The following MTA3 variants were observed in gnomAD, a reference collection of about 807,000 sequenced individuals.
MTA3 encodes the protein metastasis associated 1 family member 3.
In MTA3, 34 loss-of-function variants were observed where a neutral mutation model predicts 83.5. That is an observed-to-expected ratio of 0.41 (90% CI 0.31 to 0.54). The LOEUF (loss-of-function observed/expected upper bound fraction) is 0.54, where lower values mean the gene tolerates loss of function less well. MTA3 is among the 20% of genes least tolerant of loss of function. MTA3 has a pLI of 0.33. For synonymous variants in MTA3, 303 were observed against 252.7 expected, an observed-to-expected ratio of 1.20 and a Z score of -1.89; for missense variants, 761 against 726.4, an observed-to-expected ratio of 1.05 and a Z score of -0.55.
rs35633597 is a variant in MTA3 at position 42,664,466 on chromosome 2, C to CTTTTTTTTTTTT, written c.702+4621_702+4632dup. ...CCTACTACCCCCTCACCCCGCTTAC[C>CTTTTTTTTTTTT]TTTTTTTTTTTTTTTTTTTTTTTTT... On this transcript the variant is annotated intron_variant, in intron 8 of 16. Transcript: ENST00000405094. Among the ~76,000 whole-genome samples, 26 of 85,758 alleles carry CTTTTTTTTTTTT rather than the reference C, an allele frequency of 3.0e-4. 8 individuals carry two copies. Among genetic ancestry groups the CTTTTTTTTTTTT allele is most frequent in the African/African-American group, 8.6e-4 (18 of 21,052 alleles). 56.3% of individuals were successfully genotyped at this position (85,758 alleles called of 152,430 possible).
At position 42,622,874 on chromosome 2, in the gene MTA3, T is replaced by TA. The variant is rs368586368; in HGVS notation, c.317+13291dup. Among the ~76,000 whole-genome samples, 780 of 152,292 alleles carry TA rather than the reference T, an allele frequency of 5.1e-3. 9 individuals carry two copies. Among genetic ancestry groups the TA allele is most frequent in the African/African-American group, 0.017 (708 of 41,576 alleles). On this transcript the variant is annotated intron_variant, in intron 4 of 16. Transcript: ENST00000405094. ...TGACAAACAAAAGTGCTGGAGGACT[T>TA]ACGTTGCTTATATCATTAGATTGGA...
rs1008483570 is a variant in MTA3 at position 42,608,068 on chromosome 2, T to C, written c.191-1390T>C. ...TGCCGTTGTGATTTTTGTCTTTGGTTAGGTTGGATTTCAGTGATTTTGGTC... is the reference window on the plus strand; with the variant it reads ...TGCCGTTGTGATTTTTGTCTTTGGTCAGGTTGGATTTCAGTGATTTTGGTC... On this transcript the variant is annotated intron_variant, in intron 3 of 16. Transcript: ENST00000405094. Among the ~76,000 whole-genome samples, 102 of 152,242 alleles carry C rather than the reference T, an allele frequency of 6.7e-4. 1 individual carries two copies. The highest frequency in any genetic ancestry group is 6.4e-3 in the Admixed American group (98 of 15,292).
At chr2:42,693,035 A>G (rs1693050663) in intron 9 of MTA3, among the ~76,000 whole-genome samples, 1 of 152,152 alleles carries the variant, frequency 6.6e-6, no homozygotes, top group Non-Finnish European at 1.5e-5. Flanking sequence ...TCTCTGGATT[A>G]CCAGACAGAC....
At chr2:42,589,563 G>A (rs1680724689) in intron 3 of MTA3, among the ~76,000 whole-genome samples, 1 of 151,854 alleles carries the variant, frequency 6.6e-6, no homozygotes, top group African/African-American at 2.4e-5. Flanking sequence ...TTGGATTTTT[G>A]TTTTTTTGAG....
chr2:42,519,417 C>T (rs187002150), intron 2 of MTA3, among the ~76,000 whole-genome samples: 1 of 150,794 alleles, frequency 6.6e-6, no homozygotes, highest in East Asian at 2.0e-4. Context: ...ACCAGCCTGG[C>T]CAACATGGTG....
chr2:42,504,941 T>A (rs1674563712), intron 2 of MTA3, among the ~76,000 whole-genome samples: 1 of 152,200 alleles, frequency 6.6e-6, no homozygotes, highest in South Asian at 2.1e-4. Flanking sequence ...CCAGTCATGC[T>A]GCCCTGTTGG....
chr2:42,636,741 C>G (rs1333117387), intron 4 of MTA3, among the ~76,000 whole-genome samples: 1 of 151,364 alleles, frequency 6.6e-6, no homozygotes, highest in African/African-American at 2.4e-5. Context: ...ATTCTCCTGC[C>G]TCAGCCTCCA....
intron 3 of MTA3, among the ~76,000 whole-genome samples, chr2:42,597,374 T>C (rs1396552982): frequency 1.4e-4 from 13 of 92,042 alleles, no homozygotes. Flanking sequence ...CGACAAGTTA[T>C]CTTTTTTTTT....
intron 2 of MTA3, among the ~76,000 whole-genome samples, chr2:42,559,151 C>T (rs937436754): frequency 1.3e-5 from 2 of 152,160 alleles, no homozygotes; most frequent in Admixed American, 1.3e-4. Flanking sequence ...GAGCCCAGAT[C>T]CAGTTGTCTA....
intron 2 of MTA3, chr2:42,533,417 A>T (rs1009473680): frequency 2.0e-4 from 30 of 151,852 alleles, no homozygotes; most frequent in Non-Finnish European, 4.4e-5. Flanking sequence ...AGGCCTAGAG[A>T]ACACATTTTG....
chr2:42,603,902 C>A (rs1228501890), intron 3 of MTA3, among the ~76,000 whole-genome samples: 1 of 152,194 alleles, frequency 6.6e-6, no homozygotes. Context: ...AGGCGCCCAC[C>A]ATCTCACCTG....
At chr2:42,620,179 C>T (rs1011457360) in intron 4 of MTA3, among the ~76,000 whole-genome samples, 1 of 147,018 alleles carries the variant, frequency 6.8e-6, no homozygotes, top group African/African-American at 2.5e-5. Context: ...AGTGCAATGG[C>T]GTGATCTTGG....
intron 6 of MTA3, among the ~76,000 whole-genome samples, chr2:42,655,657 C>T (rs150982670): frequency 0.011 from 1,641 of 152,268 alleles, 23 homozygotes; most frequent in African/African-American, 0.038. Flanking sequence ...GGTTGGAGTA[C>T]AGTGGCGCAA....
intron 4 of MTA3, among the ~76,000 whole-genome samples, chr2:42,628,648 T>C (rs932140246): frequency 2.0e-5 from 3 of 152,236 alleles, no homozygotes; most frequent in Non-Finnish European, 4.4e-5. Flanking sequence ...CCTCCCTGCA[T>C]TGAGATGCTG....
At position 42,570,479 on chromosome 2, in the gene MTA3, TAAG is replaced by T; in HGVS notation, c.75_77del (p.Arg26del). 2 of 1,542,414 alleles carry T rather than the reference TAAG, an allele frequency of 1.3e-6. No homozygotes were observed. Among genetic ancestry groups the T allele is most frequent in the Non-Finnish European group, 1.8e-6 (2 of 1,134,994 alleles). Reference sequence around the variant, plus strand: ...AATTCCTCCAGCAACCCATACCTAATAAGAAGGATAGAAGAACTCAACAAGGTA... The same window carrying T: ...AATTCCTCCAGCAACCCATACCTAATAAGGATAGAAGAACTCAACAAGGTA... On this transcript the variant is annotated inframe_deletion, in exon 2 of 17. Coordinates refer to ENST00000405094, the MANE Select transcript of MTA3 (RefSeq NM_001330442.2).
At chr2:42,567,440 C>G (rs1186129746), upstream of MTA3, among the ~76,000 whole-genome samples, 1 of 152,182 alleles carries the variant, frequency 6.6e-6, no homozygotes, top group East Asian at 1.9e-4. Context: ...TTTCTGGGGG[C>G]ACCTCTTAGC....
chr2:42,699,031 C>T (rs1239001467), intron 11 of MTA3, among the ~76,000 whole-genome samples: 1 of 152,166 alleles, frequency 6.6e-6, no homozygotes, highest in African/African-American at 2.4e-5. Context: ...CAAAGTGCTG[C>T]CACCATGAAA....
intron 11 of MTA3, among the ~76,000 whole-genome samples, chr2:42,699,902 T>C (rs1019144881): frequency 1.6e-4 from 24 of 152,136 alleles, no homozygotes; most frequent in African/African-American, 5.3e-4. Flanking sequence ...TTCTGAGGGA[T>C]AGCAATAAGA....
upstream of MTA3, chr2:42,494,429 G>C (rs902455285): frequency 6.6e-6 from 1 of 152,334 alleles, no homozygotes; most frequent in African/African-American, 2.4e-5. Flanking sequence ...AGCCCAGCTC[G>C]GGTTCTGACA....
Sources: allele counts gnomAD v4.1 joint callset (sites outside exome capture counted in the v4.1 genomes callset), GRCh38; gene constraint gnomAD v4.1.1; transcripts MANE v1.5; gene names NCBI Gene and HGNC (gene_info 2026-07-23, HGNC 2026-07-21).